CNTN6: variants seen among roughly 807,000 people sequenced by gnomAD.
CNTN6 encodes contactin 6.
In CNTN6, 137 loss-of-function variants were observed where a neutral mutation model predicts 122.8. The observed-to-expected ratio is 1.12, with a 90% CI of 0.97 to 1.29. The LOEUF is 1.29. CNTN6 is among the 50% of genes most tolerant of loss of function. The pLI is 0.00. For missense variants in CNTN6, 1,634 were observed against 1,223.4 expected (o/e 1.34, Z -5.01); for synonymous variants, 570 against 426.0 (o/e 1.34, Z -4.16).
At position 1,401,496 on chromosome 3, in the gene CNTN6, G is replaced by A. The variant is rs770540542; in HGVS notation, c.2768G>A (p.Trp923Ter). The A allele has an allele frequency of 1.2e-5, 19 of 1,611,926 alleles. No homozygotes were observed. Among genetic ancestry groups the A allele is most frequent in the Non-Finnish European group, 1.5e-5 (18 of 1,178,664 alleles). ...KLTNSKLCLN[W>*]EHVKTMENES... ...ACAAACTCTAAATTATGCTTGAACT[G>A]GGAGCATGTAAAAACCATGGAAAAT... is the stretch of plus-strand genomic sequence containing the variant. The change falls in exon 21 of 23, where the codon TGG becomes TAG. Residue 923 changes from tryptophan to a stop codon, truncating the protein, a stop_gained. Coordinates refer to ENST00000446702, the MANE Select transcript of CNTN6 (RefSeq NM_001289080.2). LOFTEE classifies it high-confidence loss of function.
At chr3:1,220,597 A>G (rs1559538851) in intron 2 of CNTN6, 90 bp from the exon 3 acceptor site, 1 of 1,036,368 alleles carries the variant, frequency 9.6e-7, no homozygotes, top group Admixed American at 2.9e-5. Context: ...AATAATTTTA[A>G]ATATGTATAT....
chr3:1,334,356 A>G (rs1470582007), intron 11 of CNTN6, among the ~76,000 whole-genome samples: 1 of 145,554 alleles, frequency 6.9e-6, no homozygotes, highest in Non-Finnish European at 1.5e-5. Flanking sequence ...CTTGAGTAGA[A>G]ATGCTAGACT....
At chr3:1,357,619 A>G (rs1161158268) in intron 12 of CNTN6, among the ~76,000 whole-genome samples, 2 of 151,876 alleles carry the variant, frequency 1.3e-5, no homozygotes, top group African/African-American at 4.8e-5. Flanking sequence ...CTTCTTTTCC[A>G]TCTTCCAACA....
intron 1 of CNTN6, among the ~76,000 whole-genome samples, chr3:1,126,455 G>A (rs1299537707): frequency 1.3e-5 from 2 of 151,804 alleles, no homozygotes; most frequent in Non-Finnish European, 1.5e-5. Flanking sequence ...CAGCAGCAAT[G>A]ATTTCCAATC....
chr3:1,154,113 T>C (rs1020272938), intron 2 of CNTN6, among the ~76,000 whole-genome samples: 2 of 152,234 alleles, frequency 1.3e-5, no homozygotes, highest in Non-Finnish European at 2.9e-5. Flanking sequence ...GGTGGTTATA[T>C]GATTATCAAA....
intron 20 of CNTN6, among the ~76,000 whole-genome samples, chr3:1,389,224 T>A (rs9832650): frequency 0.21 from 31,357 of 148,822 alleles, 3,481 homozygotes; most frequent in Non-Finnish European, 0.23. Context: ...CTCGGCAGAA[T>A]CTCTACAAGC....
rs375622674 is a variant in CNTN6 at position 1,385,806 on chromosome 3, G to A, written c.2704+9G>A. 3.1e-6 allele frequency: 5 copies of A among 1,600,652 alleles called. No individual in the cohort carries two copies. The highest frequency in any genetic ancestry group is 3.4e-6 in the Non-Finnish European group (4 of 1,174,410). On this transcript the variant is annotated intron_variant, in intron 20 of 22. Coordinates refer to ENST00000446702, the MANE Select transcript of CNTN6 (RefSeq NM_001289080.2). ...TACCACCAAAAAGTCTCGTAAGTAT[G>A]CATACACTCCAGGAAACAAGATTCA...
At chr3:1,391,681 T>A (rs1299723570) in intron 20 of CNTN6, among the ~76,000 whole-genome samples, 5 of 150,940 alleles carry the variant, frequency 3.3e-5, no homozygotes, top group Non-Finnish European at 7.4e-5. Flanking sequence ...AAAATCTCCT[T>A]AAGCTGATAA....
At chr3:1,333,141 GCAAA>G (rs1441910987) in intron 11 of CNTN6, among the ~76,000 whole-genome samples, 1 of 151,986 alleles carries the variant, frequency 6.6e-6, no homozygotes, top group Non-Finnish European at 1.5e-5. Context: ...GATTTCCAAA[GCAAA>G]CAAAATTAAA....
intron 2 of CNTN6, among the ~76,000 whole-genome samples, chr3:1,220,331 GTC>G (rs1004236013): frequency 6.4e-4 from 97 of 152,224 alleles, no homozygotes; most frequent in African/African-American, 2.3e-3. Flanking sequence ...GTGAGACACT[GTC>G]TCTACAACAA....
At chr3:1,152,133 T>C (rs1347615276) in intron 2 of CNTN6, among the ~76,000 whole-genome samples, 1 of 141,760 alleles carries the variant, frequency 7.1e-6, no homozygotes, top group African/African-American at 3.1e-5. Context: ...TATATTTGTT[T>C]GTTTGTTTGT....
intron 1 of CNTN6, among the ~76,000 whole-genome samples, chr3:1,114,940 T>C (rs539632055): frequency 2.5e-4 from 38 of 152,238 alleles, no homozygotes; most frequent in African/African-American, 9.1e-4. Context: ...GAGGCAGTGG[T>C]AGAAATGCTT....
chr3:1,136,353 T>G (rs191465277), intron 1 of CNTN6, among the ~76,000 whole-genome samples: 1 of 152,228 alleles, frequency 6.6e-6, no homozygotes, highest in East Asian at 1.9e-4. Context: ...TTGATTAGAC[T>G]TTCCCAAAGT....
Position 1,382,608 on chromosome 3 carries a change from A to AAAAT in CNTN6, c.2167-333_2167-330dup, listed in dbSNP as rs140878275. On this transcript the variant is annotated intron_variant, in intron 17 of 22. Transcript: ENST00000446702. ...AAGAAGTTAATTTGTGCTGAGTTTA[A>AAAAT]AAATTCATATCAAACCACATTTGAG... is the stretch of plus-strand genomic sequence containing the variant. Among the ~76,000 whole-genome samples the AAAAT allele has an allele frequency of 2.4e-4, 37 of 152,332 alleles. No individual in the cohort carries two copies. In the East Asian group the frequency reaches 7.1e-3, roughly 29 times the overall value.
At chr3:1,341,771 A>G (rs1339785671) in intron 11 of CNTN6, among the ~76,000 whole-genome samples, 1 of 152,320 alleles carries the variant, frequency 6.6e-6, no homozygotes, top group Non-Finnish European at 1.5e-5. Flanking sequence ...AGTTTAAGAC[A>G]GTTGAACCAA....
intron 2 of CNTN6, among the ~76,000 whole-genome samples, chr3:1,218,873 T>C (rs1330268483): frequency 1.3e-5 from 2 of 152,208 alleles, no homozygotes; most frequent in Non-Finnish European, 2.9e-5. Context: ...TGTTTTGTTT[T>C]TGTTTTTAAC....
intron 1 of CNTN6, among the ~76,000 whole-genome samples, chr3:1,124,273 T>C (rs1574935526): frequency 6.6e-6 from 1 of 151,900 alleles, no homozygotes; most frequent in African/African-American, 2.4e-5. Flanking sequence ...ACCACCCAGA[T>C]TGAGAAACCC....
chr3:1,116,862 G>A (rs1318951951), intron 1 of CNTN6, among the ~76,000 whole-genome samples: 4 of 151,932 alleles, frequency 2.6e-5, no homozygotes, highest in African/African-American at 4.8e-5. Flanking sequence ...CTGCCACCAC[G>A]CATGGCTAAT....
intron 4 of CNTN6, among the ~76,000 whole-genome samples, chr3:1,245,231 TATATACACACACACATATATATATAAC>T (rs2094550623): frequency 3.9e-4 from 4 of 10,230 alleles, no homozygotes; most frequent in African/African-American, 1.2e-3. Flanking sequence ...TATATATATA[TATATACACACACACATATATATATAAC>T]ATATATATAT....
Sources: gnomAD v4.1 joint callset for allele counts (sites outside exome capture counted in the v4.1 genomes callset) on GRCh38, gnomAD v4.1.1 for gene constraint, MANE v1.5 for transcripts, NCBI Gene and HGNC (gene_info 2026-07-23, HGNC 2026-07-21) for gene names.